The following AR variants were observed in gnomAD, a reference collection of about 807,000 sequenced individuals.
The protein encoded by AR is dihydrotestosterone receptor.
A neutral mutation model predicts 53.9 loss-of-function variants in AR; 8 were observed. That is an observed-to-expected ratio of 0.15 (90% confidence interval 0.09 to 0.27). The LOEUF (loss-of-function observed/expected upper bound fraction) is 0.27, where lower values mean the gene tolerates loss of function less well. Ranked by LOEUF, AR falls within the 10% of genes least tolerant of loss-of-function variation. The pLI is 1.00. For synonymous variants in AR, 359 were observed against 316.4 expected, an observed-to-expected ratio of 1.13 and a Z score of -1.43; for missense variants, 639 against 742.5, an observed-to-expected ratio of 0.86 and a Z score of 1.62.
chrX:67,572,837 T>A (rs1921882134), intron 1 of AR, among the ~76,000 whole-genome samples: 1 of 111,841 alleles, frequency 8.9e-6, no homozygotes, highest in Non-Finnish European at 1.9e-5. Context: ...AGTCAGCATT[T>A]TTTAAATTGT....
At chrX:67,674,846 C>T (rs2075889832) in intron 2 of AR, among the ~76,000 whole-genome samples, 1 of 111,571 alleles carries the variant, frequency 9.0e-6, no homozygotes, top group South Asian at 3.8e-4. Flanking sequence ...CTTTACTCTT[C>T]CTTCTCCTTT....
intron 2 of AR, among the ~76,000 whole-genome samples, chrX:67,662,449 A>T (rs749609470): frequency 1.8e-5 from 2 of 111,055 alleles, no homozygotes; most frequent in South Asian, 7.7e-4. Context: ...TTCATTATGT[A>T]CCTAGTAGTC....
At chrX:67,610,420 A>G (rs1247973900) in intron 1 of AR, among the ~76,000 whole-genome samples, 2 of 111,168 alleles carry the variant, frequency 1.8e-5, no homozygotes, top group Non-Finnish European at 3.8e-5. Flanking sequence ...TAAAACTGAA[A>G]AAAAAGGTAT....
chrX:67,588,251 G>A (rs1191181202), intron 1 of AR, among the ~76,000 whole-genome samples: 1 of 112,094 alleles, frequency 8.9e-6, no homozygotes, highest in Admixed American at 9.4e-5. Flanking sequence ...ACCAGGCTCA[G>A]ACTTGTCCTG....
In AR at chrX:67,682,667, C is replaced by A. The variant is rs142794528; in HGVS notation, c.1769-3343C>A. 7.7e-3 allele frequency among the ~76,000 whole-genome samples: 856 copies of A among 111,248 alleles called. 34 individuals are homozygous for A. The highest frequency in any genetic ancestry group is 0.074 in the Admixed American group (772 of 10,417). ...TTACTGTTAAGAACTCTGATAGCCTCATCCATATATTTGGAGAAATTGAAT... is the reference window on the plus strand; with the variant it reads ...TTACTGTTAAGAACTCTGATAGCCTAATCCATATATTTGGAGAAATTGAAT... On this transcript the variant is annotated intron_variant, in intron 2 of 7. Coordinates refer to ENST00000374690, the MANE Select transcript of AR (RefSeq NM_000044.6).
intron 3 of AR, among the ~76,000 whole-genome samples, chrX:67,699,547 A>G (rs2076034283): frequency 8.9e-6 from 1 of 111,839 alleles, no homozygotes; most frequent in African/African-American, 3.3e-5. Context: ...GAGGTCAGGT[A>G]CATCAAGAAT....
At chrX:67,675,589 A>G (rs986057662) in intron 2 of AR, among the ~76,000 whole-genome samples, 3 of 111,245 alleles carry the variant, frequency 2.7e-5, no homozygotes, top group African/African-American at 3.3e-5. Flanking sequence ...TTGAGTTTCA[A>G]TGCAAGTCCC....
chrX:67,667,438 A>G (rs1927323191), intron 2 of AR, among the ~76,000 whole-genome samples: 1 of 111,263 alleles, frequency 9.0e-6, no homozygotes, highest in South Asian at 3.7e-4. Context: ...TGTGAATACC[A>G]TGTTGTTTTG....
chrX:67,722,427 A>C (rs1444059370), intron 6 of AR, among the ~76,000 whole-genome samples: 2 of 111,979 alleles, frequency 1.8e-5, no homozygotes, highest in East Asian at 5.6e-4. Flanking sequence ...CTTTTCTTTA[A>C]TATCTTTTCT....
intron 1 of AR, among the ~76,000 whole-genome samples, chrX:67,548,848 A>T (rs910139714): frequency 9.0e-6 from 1 of 111,530 alleles, no homozygotes; most frequent in African/African-American, 3.3e-5. Context: ...GACATAAACT[A>T]ATGAGAATTT....
At chrX:67,670,395 T>C (rs2075856958) in intron 2 of AR, among the ~76,000 whole-genome samples, 1 of 103,259 alleles carries the variant, frequency 9.7e-6, no homozygotes, top group South Asian at 4.4e-4. Context: ...AAAATAATAA[T>C]TTTTATTTAC....
In AR at chrX:67,606,460, A is replaced by G. The variant is rs764008146; in HGVS notation, c.1617-36796A>G. ...CACATACTTATTTTTTGGTTAGAAC[A>G]TTTAAAATTTATTCTCTTAACAACT... On this transcript the variant is annotated intron_variant, in intron 1 of 7. Coordinates refer to ENST00000374690, the MANE Select transcript of AR (RefSeq NM_000044.6). 1.1e-4 allele frequency among the ~76,000 whole-genome samples: 12 copies of G among 112,190 alleles called. No individual in the cohort carries two copies. The East Asian group carries it at 3.4e-3, about 31-fold the overall frequency.
intron 4 of AR, among the ~76,000 whole-genome samples, chrX:67,712,905 T>G (rs1365005522): frequency 1.8e-5 from 2 of 112,533 alleles, no homozygotes; most frequent in East Asian, 5.6e-4. Context: ...CTGAATTGAT[T>G]CTTATAGGAA....
Position 67,544,223 on chromosome X carries a change from A to C in AR, c.-924A>C. ...CGCCTCTTGCAGCGCGGCGGCTTCG[A>C]AGCCGCCGCCCGGAGCTGCCCTTTC... On this transcript the variant is annotated 5_prime_UTR_variant, in exon 1 of 8. Transcript: ENST00000374690. 2 of 129,495 alleles carry C rather than the reference A, an allele frequency of 1.5e-5. No individual in the cohort carries two copies. The highest frequency in any genetic ancestry group is 3.2e-5 in the Non-Finnish European group (2 of 62,883). The allele number at this position is 129,495 out of a possible 1,213,427, so 10.7% of individuals were successfully genotyped here. A position where few individuals can be genotyped will look rare whatever the true frequency, so the allele number is the denominator to read the frequency against.
At chrX:67,559,890 T>A (rs955515706) in intron 1 of AR, among the ~76,000 whole-genome samples, 6 of 112,085 alleles carry the variant, frequency 5.4e-5, no homozygotes, top group Admixed American at 9.5e-5. Flanking sequence ...TTCATCTTTG[T>A]TTAAAAACCA....
At chrX:67,706,194 G>C (rs745647015) in intron 3 of AR, among the ~76,000 whole-genome samples, 1 of 111,531 alleles carries the variant, frequency 9.0e-6, no homozygotes, top group Non-Finnish European at 1.9e-5. Context: ...TCTTTTTCTA[G>C]TGATTGGAAT....
At chrX:67,616,641 A>C (rs1283220707) in intron 1 of AR, among the ~76,000 whole-genome samples, 5 of 111,390 alleles carry the variant, frequency 4.5e-5, no homozygotes, top group Non-Finnish European at 9.4e-5. Context: ...AATGCAGTTT[A>C]ATTCTTTTTG....
chrX:67,720,879 TACACACACAC>T (rs113739371), intron 5 of AR, among the ~76,000 whole-genome samples: 4 of 100,779 alleles, frequency 4.0e-5, no homozygotes, highest in East Asian at 6.3e-4. Flanking sequence ...ATTTCTGTCT[TACACACACAC>T]ACACACACAC....
At chrX:67,709,426 G>A (rs2076084075) in intron 3 of AR, among the ~76,000 whole-genome samples, 1 of 112,407 alleles carries the variant, frequency 8.9e-6, no homozygotes, top group South Asian at 3.7e-4. Context: ...CATGGGCGTG[G>A]GACCCTCCGA....
Sources: gnomAD v4.1 joint callset for allele counts (sites outside exome capture counted in the v4.1 genomes callset) on GRCh38, gnomAD v4.1.1 for gene constraint, MANE v1.5 for transcripts, NCBI Gene and HGNC (gene_info 2026-07-23, HGNC 2026-07-21) for gene names.